The following WIPF1 variants were observed in gnomAD, a reference collection of about 807,000 sequenced individuals.
WIPF1 encodes the protein WAS/WASL interacting protein family member 1.
A neutral mutation model predicts 35.4 loss-of-function variants in WIPF1; 13 were observed. The ratio of observed to expected loss-of-function variants is 0.37; its 90% CI spans 0.24 to 0.58. WIPF1 has a LOEUF of 0.58. Among genes scored for constraint, WIPF1 ranks in the 20% least tolerant of loss-of-function variants. The pLI, the probability that WIPF1 is intolerant of heterozygous loss-of-function variation, is 0.74. For synonymous variants in WIPF1, 267 were observed against 266.3 expected, an observed-to-expected ratio of 1.00 and a Z score of -0.02; for missense variants, 591 against 667.0, an observed-to-expected ratio of 0.89 and a Z score of 1.25.
intron 1 of WIPF1, among the ~76,000 whole-genome samples, chr2:174,616,411 G>A (rs1438012032): frequency 6.6e-6 from 1 of 152,138 alleles, no homozygotes; most frequent in Non-Finnish European, 1.5e-5. Context: ...GGAATGGCAA[G>A]TCTGGCGTCC....
intron 1 of WIPF1, among the ~76,000 whole-genome samples, chr2:174,646,294 C>T (rs1365450024): frequency 2.0e-5 from 3 of 152,178 alleles, no homozygotes; most frequent in Non-Finnish European, 4.4e-5. Context: ...TTTAGGAGCA[C>T]ATCAAACGGG....
At chr2:174,629,920 C>T (rs1412215951) in intron 1 of WIPF1, 2 of 152,230 alleles carry the variant, frequency 1.3e-5, no homozygotes, top group Non-Finnish European at 2.9e-5. Flanking sequence ...AAAGCAGTGA[C>T]TTACTGAAAG....
rs1031511826 is a variant in WIPF1 at position 174,562,452 on chromosome 2, T to C, written c.*95A>G. On this transcript the variant is annotated 3_prime_UTR_variant, in exon 8 of 8. Coordinates refer to ENST00000679041, the MANE Select transcript of WIPF1 (RefSeq NM_001375834.1). The stretch of plus-strand genomic sequence containing the variant: ...TCCCACCTTTCCTCCTGCCCATACA[T>C]GAGGCACAAGGGAAGAAGCAGGGAG... 1.6e-5 allele frequency: 25 copies of C among 1,594,848 alleles called. No individual in the cohort carries two copies. The highest frequency in any genetic ancestry group is 4.5e-5 in the East Asian group (2 of 44,574).
At chr2:174,583,829 TG>T (rs1324988703) in intron 2 of WIPF1, among the ~76,000 whole-genome samples, 1 of 152,168 alleles carries the variant, frequency 6.6e-6, no homozygotes, top group African/African-American at 2.4e-5. Flanking sequence ...TTTTGTTTTT[TG>T]TTTTTTTGCG....
At chr2:174,661,937 G>A (rs145918286) in intron 1 of WIPF1, among the ~76,000 whole-genome samples, 8 of 152,126 alleles carry the variant, frequency 5.3e-5, no homozygotes, top group Non-Finnish European at 1.2e-4. Flanking sequence ...GAAAATCCCT[G>A]GAAGAAAAGA....
chr2:174,586,760 G>A (rs2105844994), intron 1 of WIPF1, among the ~76,000 whole-genome samples: 1 of 152,260 alleles, frequency 6.6e-6, no homozygotes, highest in Middle Eastern at 3.4e-3. Context: ...TGTGGTCCTG[G>A]ATAGGCAGCG....
chr2:174,638,044 AAG>A (rs1315681329), intron 1 of WIPF1, among the ~76,000 whole-genome samples: 1 of 152,248 alleles, frequency 6.6e-6, no homozygotes, highest in African/African-American at 2.4e-5. Context: ...TGTTTGGACT[AAG>A]AGATGTAATT....
At chr2:174,578,803 G>A (rs1685146170) in intron 3 of WIPF1, among the ~76,000 whole-genome samples, 1 of 152,158 alleles carries the variant, frequency 6.6e-6, no homozygotes, top group African/African-American at 2.4e-5. Flanking sequence ...TCACCTAACA[G>A]GATAAATCAT....
intron 5 of WIPF1, among the ~76,000 whole-genome samples, chr2:174,569,106 C>T (rs992596057): frequency 1.3e-5 from 2 of 151,998 alleles, no homozygotes; most frequent in African/African-American, 2.4e-5. Context: ...CAGTGTGTTC[C>T]GCTTGTAAGA....
chr2:174,576,230 C>CAAAAAAAAAAAAAAAAAAAAAAAAA (rs66562213), intron 3 of WIPF1, among the ~76,000 whole-genome samples: 4 of 98,936 alleles, frequency 4.0e-5, no homozygotes, highest in East Asian at 2.7e-4. Flanking sequence ...TGCACTCCAG[C>CAAAAAAAAAAAAAAAAAAAAAAAAA]AAAAAAAAAA....
chr2:174,627,245 T>A (rs1198085324), intron 1 of WIPF1, among the ~76,000 whole-genome samples: 1 of 152,348 alleles, frequency 6.6e-6, no homozygotes, highest in East Asian at 1.9e-4. Context: ...TTTAGATTTA[T>A]TGTTTTTTGT....
intron 1 of WIPF1, among the ~76,000 whole-genome samples, chr2:174,669,036 A>G (rs150350773): frequency 1.1e-3 from 160 of 152,372 alleles, no homozygotes; most frequent in African/African-American, 3.6e-3. Context: ...CATGGGTTCA[A>G]TAAGTTCATT....
intron 1 of WIPF1, among the ~76,000 whole-genome samples, chr2:174,616,834 G>A (rs146184134): frequency 1.9e-3 from 290 of 152,188 alleles, no homozygotes; most frequent in African/African-American, 6.6e-3. Flanking sequence ...GTCAGTAATG[G>A]TCTTTAAATT....
At chr2:174,595,419 G>T (rs2105869011) in intron 1 of WIPF1, among the ~76,000 whole-genome samples, 1 of 151,780 alleles carries the variant, frequency 6.6e-6, no homozygotes, top group South Asian at 2.1e-4. Flanking sequence ...ACATTTAGTT[G>T]TTAGGTGGCC....
chr2:174,602,403 G>A (rs1686037784), upstream of WIPF1, among the ~76,000 whole-genome samples: 1 of 152,200 alleles, frequency 6.6e-6, no homozygotes, highest in Non-Finnish European at 1.5e-5. Context: ...TTTTCAAGTT[G>A]TGTTTCCATG....
chr2:174,631,641 T>G (rs1262267607), intron 1 of WIPF1, among the ~76,000 whole-genome samples: 1 of 152,190 alleles, frequency 6.6e-6, no homozygotes, highest in Non-Finnish European at 1.5e-5. Context: ...CCAAAACCTA[T>G]AGTTCTTAGT....
intron 1 of WIPF1, among the ~76,000 whole-genome samples, chr2:174,663,385 C>T (rs1687818705): frequency 6.6e-6 from 1 of 152,178 alleles, no homozygotes; most frequent in South Asian, 2.1e-4. Context: ...TTCAGCCAGC[C>T]ATTAATAGTC....
intron 1 of WIPF1, among the ~76,000 whole-genome samples, chr2:174,658,049 A>G (rs76608824): frequency 6.6e-6 from 1 of 151,914 alleles, no homozygotes; most frequent in Admixed American, 6.6e-5. Flanking sequence ...TGAAAAACTT[A>G]TTCTTTAACT....
Position 174,582,690 on chromosome 2 carries a change from T to C in WIPF1, c.52-1251A>G, listed in dbSNP as rs1685280281. Among the ~76,000 whole-genome samples, 3 of 152,200 alleles carry C rather than the reference T, an allele frequency of 2.0e-5. No homozygotes were observed. In the South Asian group the frequency reaches 6.2e-4, roughly 32 times the overall value. Reference sequence around the variant, plus strand: ...CTCCTGCCTCAGCCTCCTGAGTAGTTGGGATTACAGGCACGAGCTACTGCT... The same window carrying C: ...CTCCTGCCTCAGCCTCCTGAGTAGTCGGGATTACAGGCACGAGCTACTGCT... On this transcript the variant is annotated intron_variant, in intron 2 of 7. Coordinates refer to ENST00000679041, the MANE Select transcript of WIPF1 (RefSeq NM_001375834.1).
Sources: allele counts gnomAD v4.1 joint callset (sites outside exome capture counted in the v4.1 genomes callset), GRCh38; gene constraint gnomAD v4.1.1; transcripts MANE v1.5; gene names NCBI Gene and HGNC (gene_info 2026-07-23, HGNC 2026-07-21).